PREX1: variants seen among roughly 807,000 people sequenced by gnomAD.
PREX1 encodes the protein phosphatidylinositol-3,4,5-trisphosphate dependent Rac exchange factor 1.
A neutral mutation model predicts 198.3 loss-of-function variants in PREX1; 41 were observed. The ratio of observed to expected loss-of-function variants is 0.21; its 90% CI spans 0.16 to 0.27. The LOEUF is 0.27. PREX1 is among the 10% of genes least tolerant of loss of function. The pLI is 1.00. For synonymous variants in PREX1, 843 were observed against 887.2 expected, an observed-to-expected ratio of 0.95 and a Z score of 0.89; for missense variants, 1,620 against 2,200.7, an observed-to-expected ratio of 0.74 and a Z score of 5.28.
intron 1 of PREX1, among the ~76,000 whole-genome samples, chr20:48,784,746 G>C (rs966624548): frequency 6.6e-6 from 1 of 152,096 alleles, no homozygotes; most frequent in African/African-American, 2.4e-5. Flanking sequence ...AAATGTCCTG[G>C]GTCCTCCTGA....
chr20:48,768,683 G>A lies in PREX1; in HGVS notation c.220-20803C>T, dbSNP rs571450818. On this transcript the variant is annotated intron_variant, in intron 1 of 39. Coordinates refer to ENST00000371941, the MANE Select transcript of PREX1 (RefSeq NM_020820.4). ...GTGGCTACTCAGGAGACTGAGGCAG[G>A]AGAATCATTTGAACCCAGGAGACAG... Among the ~76,000 whole-genome samples the A allele has an allele frequency of 2.0e-5, 3 of 152,172 alleles. No homozygotes were observed. The East Asian group carries it at 5.8e-4, about 29-fold the overall frequency.
chr20:48,879,158 T>C, the PREX1 span, among the ~76,000 whole-genome samples: 1 of 152,198 alleles, frequency 6.6e-6, no homozygotes, highest in Admixed American at 6.5e-5. Context: ...CAAGAGACCA[T>C]TTTGAAGGGC....
At chr20:48,882,435 G>C in the PREX1 span, among the ~76,000 whole-genome samples, 1 of 136,970 alleles carries the variant, frequency 7.3e-6, no homozygotes, top group Non-Finnish European at 1.5e-5. Flanking sequence ...CCAGGAGGTG[G>C]AGCTTGCAAT....
At chr20:48,628,832 C>G (rs1432374357) in intron 37 of PREX1, among the ~76,000 whole-genome samples, 3 of 152,182 alleles carry the variant, frequency 2.0e-5, no homozygotes, top group Non-Finnish European at 4.4e-5. Flanking sequence ...TGTCTCAGGC[C>G]AGGCACTGCT....
chr20:48,862,358 G>A, the PREX1 span, among the ~76,000 whole-genome samples: 1 of 152,068 alleles, frequency 6.6e-6, no homozygotes, highest in Non-Finnish European at 1.5e-5. Flanking sequence ...ACTAATAAAG[G>A]ATAGCTTTTA....
chr20:48,853,504 G>A, the PREX1 span, among the ~76,000 whole-genome samples: 1 of 152,106 alleles, frequency 6.6e-6, no homozygotes. Flanking sequence ...GATAGCATGG[G>A]GGGAACCACC....
Position 48,639,097 on chromosome 20 carries a change from C to T in PREX1, c.3904+669G>A, listed in dbSNP as rs564116895. 9.5e-4 allele frequency among the ~76,000 whole-genome samples: 144 copies of T among 152,352 alleles called. 1 individual carries two copies. Among genetic ancestry groups the T allele is most frequent in the African/African-American group, 3.3e-3 (139 of 41,586 alleles). Reference sequence around the variant, plus strand: ...CAGGAGTCTCAGACGCAAATGCCGGCAAGGGCCAGGCAGGTGATGTAAGAT... The same window carrying T: ...CAGGAGTCTCAGACGCAAATGCCGGTAAGGGCCAGGCAGGTGATGTAAGAT... On this transcript the variant is annotated intron_variant, in intron 30 of 39. Coordinates refer to ENST00000371941, the MANE Select transcript of PREX1 (RefSeq NM_020820.4).
chr20:48,653,709 T>C (rs565961926), intron 19 of PREX1, among the ~76,000 whole-genome samples: 1 of 152,302 alleles, frequency 6.6e-6, no homozygotes, highest in East Asian at 1.9e-4. Context: ...AGAGAAGTAG[T>C]AGCTGGCCCA....
At chr20:48,677,710 C>T (rs2089719196) in intron 13 of PREX1, among the ~76,000 whole-genome samples, 1 of 152,214 alleles carries the variant, frequency 6.6e-6, no homozygotes, top group Admixed American at 6.5e-5. Flanking sequence ...TAAGGCCAGG[C>T]ACGGTGGCTC....
chr20:48,800,549 G>C (rs1410433497), intron 1 of PREX1, among the ~76,000 whole-genome samples: 3 of 152,198 alleles, frequency 2.0e-5, no homozygotes, highest in Non-Finnish European at 4.4e-5. Context: ...GGTCCTGTGA[G>C]GTGGGAGCTT....
In PREX1 at chr20:48,650,949, T is replaced by C. The variant is rs2089490490; in HGVS notation, c.2762A>G (p.Asn921Ser). Residue 921 changes from asparagine to serine, a missense_variant, in exon 23 of 40, where the codon AAC (asparagine) becomes AGC (serine). Asn to Ser is a conservative substitution (Grantham distance 46). Transcript: ENST00000371941. ...GCTCTCCAGCTTGGTGTCACAGATG[T>C]TGCGGAACTCAAAGTGGGGCATGGT... ...IVTMPHFEFR[N>S]ICDTKLESIG... 2 of 1,614,078 alleles carry C rather than the reference T, an allele frequency of 1.2e-6. No homozygotes were observed. The highest frequency in any genetic ancestry group is 1.3e-5 in the African/African-American group (1 of 74,916).
intron 5 of PREX1, among the ~76,000 whole-genome samples, chr20:48,725,268 A>C (rs1397818538): frequency 1.3e-5 from 2 of 152,158 alleles, no homozygotes; most frequent in Non-Finnish European, 2.9e-5. Flanking sequence ...GGAACCTAAA[A>C]CACAGCTGCC....
intron 9 of PREX1, among the ~76,000 whole-genome samples, chr20:48,690,345 C>T (rs2089811771): frequency 6.6e-6 from 1 of 152,122 alleles, no homozygotes. Context: ...ACTTGGATCC[C>T]CATTTATCAG....
the PREX1 span, among the ~76,000 whole-genome samples, chr20:48,834,924 T>G: frequency 1.3e-5 from 2 of 152,082 alleles, no homozygotes; most frequent in Non-Finnish European, 2.9e-5. Flanking sequence ...GCCCAGGTAA[T>G]TTTTGTCTTT....
At chr20:48,639,701 C>G (rs1218600538) in intron 30 of PREX1, 65 bp downstream of exon 30, 2 of 1,584,536 alleles carry the variant, frequency 1.3e-6, no homozygotes, top group Non-Finnish European at 1.7e-6. Context: ...TCCTGATTCT[C>G]TCAGGTTCCA....
chr20:48,830,506 A>C (rs1198344921), upstream of PREX1, among the ~76,000 whole-genome samples: 1 of 152,212 alleles, frequency 6.6e-6, no homozygotes, highest in Non-Finnish European at 1.5e-5. Context: ...TTCCCTTCTC[A>C]GCCCATGACC....
chr20:48,761,807 G>A (rs946456811), intron 1 of PREX1, among the ~76,000 whole-genome samples: 1 of 152,156 alleles, frequency 6.6e-6, no homozygotes, highest in Admixed American at 6.5e-5. Flanking sequence ...TAACTCAGAG[G>A]CATCATTCCT....
At chr20:48,682,628 G>C (rs1302382174) in intron 10 of PREX1, among the ~76,000 whole-genome samples, 1 of 152,216 alleles carries the variant, frequency 6.6e-6, no homozygotes, top group Non-Finnish European at 1.5e-5. Context: ...AGACAGAAGT[G>C]CTCCCAGGCC....
At chr20:48,649,668 C>T (rs1416349796) in intron 24 of PREX1, 92 bp from the exon 25 acceptor site, 1 of 1,393,192 alleles carries the variant, frequency 7.2e-7, no homozygotes, top group African/African-American at 1.5e-5. Context: ...TTCAAGGATC[C>T]CAATGAAGGA....
Sources: allele counts gnomAD v4.1 joint callset (sites outside exome capture counted in the v4.1 genomes callset), GRCh38; gene constraint gnomAD v4.1.1; transcripts MANE v1.5; gene names NCBI Gene and HGNC (gene_info 2026-07-23, HGNC 2026-07-21).